The following TET2 variants were observed in gnomAD, a reference collection of about 807,000 sequenced individuals.
TET2 encodes tet methylcytosine dioxygenase 2, also known as methylcytosine dioxygenase TET2.
A neutral mutation model predicts 142.9 loss-of-function variants in TET2; 299 were observed. That is an observed-to-expected ratio of 2.09 (90% CI 1.90 to 2.30). The LOEUF (loss-of-function observed/expected upper bound fraction) is 2.30. Among genes scored for constraint, TET2 ranks in the 30% most tolerant of loss-of-function variants. The pLI is 0.00. For synonymous variants in TET2, 819 were observed against 849.0 expected, an observed-to-expected ratio of 0.96 and a Z score of 0.61; for missense variants, 2,418 against 2,378.0, an observed-to-expected ratio of 1.02 and a Z score of -0.35.
intron 2 of TET2, among the ~76,000 whole-genome samples, chr4:105,220,517 G>A (rs182180374): frequency 3.3e-5 from 5 of 152,224 alleles, no homozygotes; most frequent in African/African-American, 2.4e-5. Flanking sequence ...GAAAGTAGGG[G>A]AGCCTCACTC....
chr4:105,253,135 A>C (rs1247746486), intron 6 of TET2, among the ~76,000 whole-genome samples: 1 of 152,164 alleles, frequency 6.6e-6, no homozygotes, highest in East Asian at 1.9e-4. Context: ...ACTAAGTAAA[A>C]AAAGCAGTCT....
At chr4:105,157,869 G>A (rs530005434) in intron 1 of TET2, among the ~76,000 whole-genome samples, 2 of 151,944 alleles carry the variant, frequency 1.3e-5, no homozygotes, top group Admixed American at 1.3e-4. Flanking sequence ...TAGAAACAGC[G>A]TTTCGCCATG....
intron 1 of TET2, among the ~76,000 whole-genome samples, chr4:105,154,074 C>T (rs1256019241): frequency 6.6e-6 from 1 of 152,098 alleles, no homozygotes; most frequent in Non-Finnish European, 1.5e-5. Flanking sequence ...TAAGTAACGT[C>T]CAGAATAGGC....
At chr4:105,153,769 C>T (rs1723429463) in intron 1 of TET2, among the ~76,000 whole-genome samples, 1 of 152,072 alleles carries the variant, frequency 6.6e-6, no homozygotes, top group African/African-American at 2.4e-5. Flanking sequence ...TCATTGATAG[C>T]TGTAAAAGTG....
intron 2 of TET2, among the ~76,000 whole-genome samples, chr4:105,196,321 C>T (rs1395387758): frequency 6.6e-6 from 1 of 152,108 alleles, no homozygotes; most frequent in African/African-American, 2.4e-5. Context: ...CCCCACCTCA[C>T]CACTTGAAGT....
intron 2 of TET2, among the ~76,000 whole-genome samples, chr4:105,217,291 T>C (rs1035538590): frequency 6.6e-6 from 1 of 152,074 alleles, no homozygotes; most frequent in Non-Finnish European, 1.5e-5. Context: ...GAAGATAGTT[T>C]AGTTTTTACA....
chr4:105,157,855 T>G (rs1396666910), intron 1 of TET2, among the ~76,000 whole-genome samples: 1 of 152,082 alleles, frequency 6.6e-6, no homozygotes, highest in African/African-American at 2.4e-5. Context: ...TTTTGCATTT[T>G]TAGTAGAAAC....
At chr4:105,220,595 A>G (rs1219169259) in intron 2 of TET2, among the ~76,000 whole-genome samples, 1 of 152,130 alleles carries the variant, frequency 6.6e-6, no homozygotes, top group African/African-American at 2.4e-5. Context: ...CTGAGGAAGG[A>G]TGAAAAGGAG....
In TET2 at chr4:105,234,942, T is replaced by A; in HGVS notation, c.1000T>A (p.Ser334Thr). 1 of 1,613,992 alleles carries A rather than the reference T, an allele frequency of 6.2e-7. No individual in the cohort carries two copies. The highest frequency in any genetic ancestry group is 8.5e-7 in the Non-Finnish European group (1 of 1,179,982). Reference sequence around the variant, plus strand: ...AAAATCAGTTTTTGAGATATGCCCATCTCCTGCAGAAAATAACATCCAGGG... The same window carrying A: ...AAAATCAGTTTTTGAGATATGCCCAACTCCTGCAGAAAATAACATCCAGGG... ...QQKSVFEICP[S>T]PAENNIQGTT... The change falls in exon 3 of 11, where the codon TCT becomes ACT. Residue 334 changes from serine (S) to threonine (T), a missense_variant. Physicochemically the swap from Ser to Thr is moderately conservative, Grantham distance 58. Coordinates refer to ENST00000380013, the MANE Select transcript of TET2 (RefSeq NM_001127208.3).
rs185683236 is a variant in TET2 at position 105,211,088 on chromosome 4, T to G, written c.-47+20583T>G. Among the ~76,000 whole-genome samples the G allele has an allele frequency of 5.3e-5, 8 of 152,318 alleles. No individual in the cohort carries two copies. In the East Asian group the frequency reaches 1.5e-3, roughly 29 times the overall value. On this transcript the variant is annotated intron_variant, in intron 2 of 10. Coordinates refer to ENST00000380013, the MANE Select transcript of TET2 (RefSeq NM_001127208.3). The stretch of plus-strand genomic sequence containing the variant: ...GAACTAACTAGACCAGTTTCTCTTC[T>G]CCTCAGCTATATCATGCTAATTTAT...
chr4:105,148,944 T>C (rs1351512955), intron 1 of TET2, among the ~76,000 whole-genome samples: 1 of 152,228 alleles, frequency 6.6e-6, no homozygotes, highest in Non-Finnish European at 1.5e-5. Context: ...TAATGTAGTT[T>C]GCTTTAATCA....
rs569067880 is a variant in TET2 at position 105,234,864 on chromosome 4, G to A, written c.922G>A (p.Ala308Thr). The change falls in exon 3 of 11, where the codon GCT becomes ACT. Residue 308 changes from alanine to threonine, a missense_variant. Coordinates refer to ENST00000380013, the MANE Select transcript of TET2 (RefSeq NM_001127208.3). ...TGATGCTGATAATGCCAGTAAACTAGCTGCAATGCTAAATACCTGTTCCTT... is the reference window on the plus strand; with the variant it reads ...TGATGCTGATAATGCCAGTAAACTAACTGCAATGCTAAATACCTGTTCCTT... ...ADDADNASKLAAMLNTCSFQK... is the reference protein window; with the variant it reads ...ADDADNASKLTAMLNTCSFQK... The A allele has an allele frequency of 6.2e-7, 1 of 1,614,008 alleles. No individual in the cohort carries two copies. The highest frequency in any genetic ancestry group is 1.1e-5 in the South Asian group (1 of 91,074).
In TET2 at chr4:105,247,714, C is replaced by CTTTTTT. The variant is rs1206510081; in HGVS notation, c.3803+3956_3803+3961dup. ...TAGTTTGACTGGTTCTTTTTCTTTT[C>CTTTTTT]TTTTTTTTTTTTTTTTTTTTTTTTT... On this transcript the variant is annotated intron_variant, in intron 6 of 10. Transcript: ENST00000380013. Among the ~76,000 whole-genome samples the CTTTTTT allele has an allele frequency of 8.0e-3, 525 of 65,390 alleles. 2 individuals carry two copies. Among genetic ancestry groups the CTTTTTT allele is most frequent in the East Asian group, 0.012 (25 of 2,010 alleles). 42.9% of individuals were successfully genotyped at this position (65,390 alleles called of 152,430 possible).
chr4:105,212,676 AT>A (rs1727239179), intron 2 of TET2, among the ~76,000 whole-genome samples: 1 of 152,076 alleles, frequency 6.6e-6, no homozygotes. Flanking sequence ...TTAATTTTCT[AT>A]TTTTTTCATG....
chr4:105,235,670 A>AT lies in TET2; in HGVS notation c.1729dup (p.Ser577PhefsTer6). Reference sequence around the variant, plus strand: ...AGGCCCCTCGTTTTCACCAAGCGGAATCCCATCTAAAACGTAATGAGGCAT... The same window carrying AT: ...AGGCCCCTCGTTTTCACCAAGCGGAATTCCCATCTAAAACGTAATGAGGCAT... On this transcript the variant is annotated frameshift_variant, in exon 3 of 11. Transcript: ENST00000380013. LOFTEE classifies it high-confidence loss of function. 6.2e-7 allele frequency: 1 copy of AT among 1,614,200 alleles called. No individual in the cohort carries two copies. The highest frequency in any genetic ancestry group is 8.5e-7 in the Non-Finnish European group (1 of 1,180,030).
intron 1 of TET2, among the ~76,000 whole-genome samples, chr4:105,176,751 A>G (rs1724819794): frequency 6.6e-6 from 1 of 152,168 alleles, no homozygotes; most frequent in Non-Finnish European, 1.5e-5. Flanking sequence ...TATTTTATGG[A>G]TATCAACAAA....
chr4:105,208,117 A>G (rs938861372), intron 2 of TET2, among the ~76,000 whole-genome samples: 4 of 152,200 alleles, frequency 2.6e-5, no homozygotes, highest in African/African-American at 4.8e-5. Flanking sequence ...AAAATAGGTC[A>G]TTCTGCAAAT....
chr4:105,250,664 T>C (rs1729828211), intron 6 of TET2, among the ~76,000 whole-genome samples: 1 of 152,158 alleles, frequency 6.6e-6, no homozygotes, highest in South Asian at 2.1e-4. Flanking sequence ...CTTTCAGTAA[T>C]GTTTTGGATG....
At chr4:105,209,305 G>A (rs771023070) in intron 2 of TET2, among the ~76,000 whole-genome samples, 7 of 151,440 alleles carry the variant, frequency 4.6e-5, no homozygotes, top group African/African-American at 9.7e-5. Flanking sequence ...TGACTCAAGC[G>A]CAATAACATT....
Sources: allele counts gnomAD v4.1 joint callset (sites outside exome capture counted in the v4.1 genomes callset), GRCh38; gene constraint gnomAD v4.1.1; transcripts MANE v1.5; gene names NCBI Gene and HGNC (gene_info 2026-07-23, HGNC 2026-07-21).